RNF43: variants seen among roughly 807,000 people sequenced by gnomAD.
RNF43 encodes the protein ring finger protein 43.
RNF43 carries 37 observed loss-of-function variants against 78.4 expected under a neutral mutation model. That is an observed-to-expected ratio of 0.47 (90% CI 0.36 to 0.62). The LOEUF (loss-of-function observed/expected upper bound fraction) is 0.62. Ranked by LOEUF, RNF43 falls within the 20% of genes least tolerant of loss-of-function variation. The pLI, the probability that RNF43 is intolerant of heterozygous loss-of-function variation, is 0.00. For synonymous variants in RNF43, 347 were observed against 395.0 expected (o/e 0.88, Z 1.44); for missense variants, 774 against 1,007.9 (o/e 0.77, Z 3.14).
Position 58,368,076 on chromosome 17 carries a change from G to A in RNF43, c.375+2835C>T, listed in dbSNP as rs116939255. Reference sequence around the variant, plus strand: ...TGAGGGGCAGTGGAGGAGTCAGGCTGCAAGCCCAGGGCTATCTGGCTTGAG... The same window carrying A: ...TGAGGGGCAGTGGAGGAGTCAGGCTACAAGCCCAGGGCTATCTGGCTTGAG... On this transcript the variant is annotated intron_variant, in intron 3 of 9. Transcript: ENST00000407977. 5.7e-3 allele frequency among the ~76,000 whole-genome samples: 865 copies of A among 152,316 alleles called. 6 individuals carry two copies. Among genetic ancestry groups the A allele is most frequent in the South Asian group, 0.017 (82 of 4,828 alleles).
In RNF43 at chr17:58,367,904, T is replaced by C. The variant is rs1972990579; in HGVS notation, c.375+3007A>G. 2.0e-5 allele frequency among the ~76,000 whole-genome samples: 3 copies of C among 152,276 alleles called. No homozygotes were observed. In the South Asian group the frequency reaches 6.2e-4, roughly 32 times the overall value. On this transcript the variant is annotated intron_variant, in intron 3 of 9. Coordinates refer to ENST00000407977, the MANE Select transcript of RNF43 (RefSeq NM_017763.6). ...GCAATCATTTATTGAGTGGTTACCATGTACGTGGCATGGGGCTAAAAACTT... is the reference window on the plus strand; with the variant it reads ...GCAATCATTTATTGAGTGGTTACCACGTACGTGGCATGGGGCTAAAAACTT...
At chr17:58,356,945 G>T in intron 9 of RNF43, 2 of 357,134 alleles carry the variant, frequency 5.6e-6, no homozygotes, top group Non-Finnish European at 5.2e-6. Context: ...CCAGGCTGGA[G>T]TGCAGTGGCG....
At chr17:58,353,136 C>T (rs937764167), downstream of RNF43, 1 of 206,860 alleles carries the variant, frequency 4.8e-6, no homozygotes, top group Non-Finnish European at 9.9e-6. Context: ...GTTTCAGGCC[C>T]CGCTGCGCTG....
intron 2 of RNF43, among the ~76,000 whole-genome samples, chr17:58,403,252 T>A (rs1973840629): frequency 6.6e-6 from 1 of 152,186 alleles, no homozygotes; most frequent in South Asian, 2.1e-4. Context: ...GTATATTCTT[T>A]GGGGGACTTG....
rs1598125297 is a variant in RNF43 at position 58,357,435 on chromosome 17, C to G, written c.2308+33G>C. ...GAAATATTCAGCTGTAGTCTCCTCT[C>G]CCTACCACACCCACTTCCCTCTGAA... On this transcript the variant is annotated intron_variant, in intron 9 of 9. Coordinates refer to ENST00000407977, the MANE Select transcript of RNF43 (RefSeq NM_017763.6). This position sits in a 1 kb window ranked among gnomAD's most constrained non-coding sequence, Gnocchi z 4.5. 6.2e-7 allele frequency: 1 copy of G among 1,614,054 alleles called. No individual in the cohort carries two copies. The highest frequency in any genetic ancestry group is 2.2e-5 in the East Asian group (1 of 44,874).
At chr17:58,402,926 G>C (rs1390722857) in intron 2 of RNF43, among the ~76,000 whole-genome samples, 2 of 152,086 alleles carry the variant, frequency 1.3e-5, no homozygotes, top group African/African-American at 2.4e-5. Flanking sequence ...CCCAACATTT[G>C]GTGATATCAA....
At chr17:58,369,275 T>C (rs975571488) in intron 3 of RNF43, among the ~76,000 whole-genome samples, 2 of 152,198 alleles carry the variant, frequency 1.3e-5, no homozygotes, top group African/African-American at 2.4e-5. Flanking sequence ...CTTGCAGAGA[T>C]GCCACACTCC....
intron 2 of RNF43, among the ~76,000 whole-genome samples, chr17:58,372,382 C>CT (rs1973117874): frequency 6.6e-6 from 1 of 152,152 alleles, no homozygotes; most frequent in Admixed American, 6.5e-5. Context: ...GCCTACTAGT[C>CT]TGGTAGTGAG....
At chr17:58,361,372 C>T (rs1260657926) in intron 6 of RNF43, among the ~76,000 whole-genome samples, 1 of 152,164 alleles carries the variant, frequency 6.6e-6, no homozygotes, top group Non-Finnish European at 1.5e-5. Flanking sequence ...GTCCTTGAGT[C>T]CTCTCATATC....
intron 3 of RNF43, among the ~76,000 whole-genome samples, chr17:58,370,483 T>C (rs550669391): frequency 3.9e-5 from 6 of 152,354 alleles, no homozygotes; most frequent in African/African-American, 1.4e-4. Flanking sequence ...ACCCAGCTTA[T>C]GGGCCACCAG....
chr17:58,411,398 A>T (rs1974021981), intron 2 of RNF43, among the ~76,000 whole-genome samples: 1 of 152,090 alleles, frequency 6.6e-6, no homozygotes, highest in Admixed American at 6.6e-5. Flanking sequence ...AAAAACTTAA[A>T]GTTTCAGGTC....
intron 2 of RNF43, among the ~76,000 whole-genome samples, chr17:58,377,246 T>A (rs1406620697): frequency 6.6e-6 from 1 of 152,226 alleles, no homozygotes; most frequent in Non-Finnish European, 1.5e-5. Context: ...GCCTGACACT[T>A]AGTAAGTGCT....
chr17:58,392,431 C>T (rs551001887), intron 2 of RNF43, among the ~76,000 whole-genome samples: 7 of 152,116 alleles, frequency 4.6e-5, no homozygotes, highest in Non-Finnish European at 1.0e-4. Context: ...GTCATTTTTA[C>T]TTCTTATTTA....
chr17:58,390,122 G>A (rs1015692930), intron 2 of RNF43, among the ~76,000 whole-genome samples: 1 of 152,088 alleles, frequency 6.6e-6, no homozygotes, highest in African/African-American at 2.4e-5. Context: ...GCTACATTCA[G>A]AATCAGCAAA....
At position 58,360,266 on chromosome 17, in the gene RNF43, G is replaced by C. The variant is rs372264788; in HGVS notation, c.850-15C>G. ...ACCCGTAGCTCCTGGAGAAAAAGAGGGGGTCCAAACCAAAGGCTTCTGTAG... is the reference window on the plus strand; with the variant it reads ...ACCCGTAGCTCCTGGAGAAAAAGAGCGGGTCCAAACCAAAGGCTTCTGTAG... On this transcript the variant is annotated splice_polypyrimidine_tract_variant and intron_variant, in intron 7 of 9. Coordinates refer to ENST00000407977, the MANE Select transcript of RNF43 (RefSeq NM_017763.6). This position sits in a 1 kb window ranked among gnomAD's most constrained non-coding sequence, Gnocchi z 4.3. The C allele has an allele frequency of 6.2e-7, 1 of 1,605,870 alleles. No individual in the cohort carries two copies. Among genetic ancestry groups the C allele is most frequent in the Non-Finnish European group, 8.5e-7 (1 of 1,172,494 alleles).
At chr17:58,364,988 C>T (rs1389746365) in intron 3 of RNF43, among the ~76,000 whole-genome samples, 2 of 152,232 alleles carry the variant, frequency 1.3e-5, no homozygotes, top group Non-Finnish European at 2.9e-5. Flanking sequence ...AAGCGGGGCC[C>T]TGTTTTGGTC....
At chr17:58,380,211 C>T (rs1289830144) in intron 2 of RNF43, among the ~76,000 whole-genome samples, 1 of 152,214 alleles carries the variant, frequency 6.6e-6, no homozygotes, top group Non-Finnish European at 1.5e-5. Flanking sequence ...CCTCACTGAC[C>T]TCCATCTTAT....
intron 2 of RNF43, among the ~76,000 whole-genome samples, chr17:58,388,652 G>C (rs1056446775): frequency 1.3e-5 from 2 of 152,196 alleles, no homozygotes; most frequent in African/African-American, 4.8e-5. Flanking sequence ...AAACGACATT[G>C]TATCAAAGGC....
chr17:58,411,355 T>C (rs146804040), intron 2 of RNF43, among the ~76,000 whole-genome samples: 18 of 152,234 alleles, frequency 1.2e-4, no homozygotes, highest in African/African-American at 4.3e-4. Context: ...CAACTATAGT[T>C]TGCAATATAG....
Sources: allele counts gnomAD v4.1 joint callset (sites outside exome capture counted in the v4.1 genomes callset), GRCh38; gene constraint gnomAD v4.1.1; non-coding constraint Gnocchi (gnomAD v3.1); transcripts MANE v1.5; gene names NCBI Gene and HGNC (gene_info 2026-07-23, HGNC 2026-07-21).